The following ATP8B2 variants were observed in gnomAD, a reference collection of about 807,000 sequenced individuals.
ATP8B2 encodes the protein phospholipid-transporting ATPase ID.
ATP8B2 carries 70 observed loss-of-function variants against 133.4 expected under a neutral mutation model. That is an observed-to-expected ratio of 0.52 (90% confidence interval 0.43 to 0.64). ATP8B2 has a LOEUF of 0.64. ATP8B2 is among the 30% of genes least tolerant of loss of function. The probability of loss-of-function intolerance (pLI) is 0.00; values close to 1 mark genes in which losing one functional copy is unlikely to be tolerated. For missense variants in ATP8B2, 1,101 were observed against 1,535.7 expected (o/e 0.72, Z 4.73); for synonymous variants, 517 against 589.5 (o/e 0.88, Z 1.78).
intron 12 of ATP8B2, chr1:154,337,813 T>A: frequency 7.8e-6 from 10 of 1,285,208 alleles, no homozygotes; most frequent in Non-Finnish European, 9.3e-6. Context: ...AGAAGTGTGC[T>A]AGGTGCCATC....
chr1:154,337,222 G>A, intron 11 of ATP8B2, 126 bp from the exon 12 acceptor site: 1 of 1,095,556 alleles, frequency 9.1e-7, no homozygotes, highest in Non-Finnish European at 1.3e-6. Context: ...GAGACCATGG[G>A]TTGGACAAGC....
intron 26 of ATP8B2, among the ~76,000 whole-genome samples, chr1:154,347,225 T>C (rs1044692367): frequency 1.3e-5 from 2 of 152,140 alleles, no homozygotes; most frequent in Admixed American, 6.6e-5. Flanking sequence ...AAAGGGAGCC[T>C]GCCATGTGGC....
At chr1:154,348,268 C>T (rs1686659991) in intron 26 of ATP8B2, 140 bp from the exon 27 acceptor site, 2 of 931,604 alleles carry the variant, frequency 2.1e-6, no homozygotes, top group Non-Finnish European at 3.0e-6. Context: ...TGGAGATTTA[C>T]ATTTGGAGGG....
rs1686219775 is a variant in ATP8B2 at position 154,337,277 on chromosome 1, C to T, written c.838-71C>T. The T allele has an allele frequency of 2.6e-6, 4 of 1,527,700 alleles. No homozygotes were observed. The African/African-American group carries it at 4.1e-5, about 16-fold the overall frequency. 94.6% of individuals were successfully genotyped at this position (1,527,700 alleles called of 1,614,324 possible). A position where few individuals can be genotyped will look rare whatever the true frequency, so the allele number is the denominator to read the frequency against. On this transcript the variant is annotated intron_variant, in intron 11 of 27. Coordinates refer to ENST00000368489, the MANE Select transcript of ATP8B2 (RefSeq NM_001370597.1). ...CTTTTGAGGGCTCAAGGGATGAATA[C>T]ATCACAGATGCACTTGGTTTTGAGG...
Position 154,343,367 on chromosome 1 carries a change from T to G in ATP8B2, c.1642+66T>G, listed in dbSNP as rs1456726886. 11 of 1,605,642 alleles carry G rather than the reference T, an allele frequency of 6.9e-6. No homozygotes were observed. The highest frequency in any genetic ancestry group is 9.4e-6 in the Non-Finnish European group (11 of 1,174,116). Reference sequence around the variant, plus strand: ...ATTCAGGCCTGGAATGGGTGAAGTGTGCCGGGTGACTCTTGATGTGTTTAT... The same window carrying G: ...ATTCAGGCCTGGAATGGGTGAAGTGGGCCGGGTGACTCTTGATGTGTTTAT... On this transcript the variant is annotated intron_variant, in intron 16 of 27. Coordinates refer to ENST00000368489, the MANE Select transcript of ATP8B2 (RefSeq NM_001370597.1). The surrounding 1 kb of genome is among the most constrained non-coding windows in gnomAD (Gnocchi z 5.8).
At chr1:154,327,839 G>A in intron 1 of ATP8B2, 1 of 1,613,788 alleles carries the variant, frequency 6.2e-7, no homozygotes, top group East Asian at 2.2e-5. Flanking sequence ...TTCAATATCT[G>A]GCCTCTTCTC....
chr1:154,331,559 C>A lies in ATP8B2; in HGVS notation c.366-47C>A. The stretch of plus-strand genomic sequence containing the variant: ...GGGGACGAAGGGGGTCCCTTAGGAA[C>A]CTCTTTAGCTCCTGACAGCCTCTTC... On this transcript the variant is annotated intron_variant, in intron 6 of 27. Transcript: ENST00000368489. The surrounding 1 kb of genome is among the most constrained non-coding windows in gnomAD (Gnocchi z 4.8). 6.2e-7 allele frequency: 1 copy of A among 1,613,616 alleles called. No homozygotes were observed. Among genetic ancestry groups the A allele is most frequent in the Admixed American group, 1.7e-5 (1 of 60,014 alleles).
chr1:154,337,880 T>C, intron 12 of ATP8B2: 1 of 787,508 alleles, frequency 1.3e-6, no homozygotes, highest in Non-Finnish European at 1.9e-6. Flanking sequence ...TTACGTCTAG[T>C]AAAGGAAGGA....
In ATP8B2 at chr1:154,348,798, C is replaced by A. The variant is rs542799965; in HGVS notation, c.3295-42C>A. 35 of 1,530,704 alleles carry A rather than the reference C, an allele frequency of 2.3e-5. No homozygotes were observed. The Middle Eastern group carries it at 5.1e-4, about 22-fold the overall frequency. 94.8% of individuals were successfully genotyped at this position (1,530,704 alleles called of 1,614,324 possible). On this transcript the variant is annotated intron_variant, in intron 27 of 27. Coordinates refer to ENST00000368489, the MANE Select transcript of ATP8B2 (RefSeq NM_001370597.1). ...CCCTTCTCCTTGGCGATATCTGACA[C>A]CTCCACGCTGACAGAGGGCTCTTCC... is the stretch of plus-strand genomic sequence containing the variant.
Position 154,341,012 on chromosome 1 carries a change from C to A in ATP8B2, c.1193C>A (p.Thr398Asn). ...TTCTCCGACAAGACGGGCACCCTCA[C>A]CCAGAACATCATGGTTTTCAACAAG... ...YIFSDKTGTL[T>N]QNIMVFNKCS... The change falls in exon 13 of 28, where the codon ACC becomes AAC. Residue 398 changes from threonine (T) to asparagine (N), a missense_variant. Physicochemically the swap from Thr to Asn is moderately conservative, Grantham distance 65 (BLOSUM62 0). Coordinates refer to ENST00000368489, the MANE Select transcript of ATP8B2 (RefSeq NM_001370597.1). 1.9e-6 allele frequency: 3 copies of A among 1,614,192 alleles called. No individual in the cohort carries two copies. Among genetic ancestry groups the A allele is most frequent in the Non-Finnish European group, 2.5e-6 (3 of 1,180,044 alleles).
chr1:154,345,385 A>T lies in ATP8B2; in HGVS notation c.2534A>T (p.Tyr845Phe). The T allele has an allele frequency of 6.2e-7, 1 of 1,613,820 alleles. No homozygotes were observed. The highest frequency in any genetic ancestry group is 2.2e-5 in the East Asian group (1 of 44,872). ...ATCCAGGCTGTCTTGGCCTCCGATTACTCCTTCTCCCAGTTCAAGTTCCTG... is the reference window on the plus strand; with the variant it reads ...ATCCAGGCTGTCTTGGCCTCCGATTTCTCCTTCTCCCAGTTCAAGTTCCTG... ...EGIQAVLASD[Y>F]SFSQFKFLQR... Residue 845 changes from tyrosine to phenylalanine, a missense_variant, in exon 23 of 28, where the codon TAC (tyrosine) becomes TTC (phenylalanine). Transcript: ENST00000368489. This position sits in a 1 kb window ranked among gnomAD's most constrained non-coding sequence, Gnocchi z 5.6.
intron 26 of ATP8B2, among the ~76,000 whole-genome samples, chr1:154,347,524 A>G (rs1048833838): frequency 1.3e-5 from 2 of 152,198 alleles, no homozygotes; most frequent in African/African-American, 4.8e-5. Context: ...AGTTTCGTGG[A>G]TAATAAAGTG....
chr1:154,345,001 G>A lies in ATP8B2; in HGVS notation c.2317G>A (p.Glu773Lys), dbSNP rs773903090. 1.1e-5 allele frequency: 17 copies of A among 1,613,954 alleles called. No individual in the cohort carries two copies. The African/African-American group carries it at 2.0e-4, about 19-fold the overall frequency. Residue 773 changes from glutamate to lysine, a missense_variant, in exon 22 of 28, where the codon GAG becomes AAG. Transcript: ENST00000368489. The surrounding 1 kb of genome is among the most constrained non-coding windows in gnomAD (Gnocchi z 5.6). ...AHALEADMEL[E>K]FLETACACKA... ...CGCACTGGAGGCAGACATGGAGCTG[G>A]AGTTTCTGGAGACAGCGTGTGCCTG...
intron 14 of ATP8B2, 105 bp downstream of exon 14, chr1:154,342,628 C>A: frequency 6.8e-7 from 1 of 1,474,674 alleles, no homozygotes; most frequent in Non-Finnish European, 9.5e-7. Flanking sequence ...ATGGAAGCTG[C>A]TTGGAGAAAT....
intron 26 of ATP8B2, among the ~76,000 whole-genome samples, chr1:154,347,650 G>A (rs997453859): frequency 6.6e-6 from 1 of 151,988 alleles, no homozygotes; most frequent in African/African-American, 2.4e-5. Flanking sequence ...TTTGAAAATG[G>A]AAACAACAGG....
intron 12 of ATP8B2, chr1:154,337,887 A>C: frequency 1.3e-6 from 1 of 743,716 alleles, no homozygotes; most frequent in Non-Finnish European, 2.0e-6. Flanking sequence ...TAGTAAAGGA[A>C]GGAAAATCTA....
In ATP8B2 at chr1:154,348,916, C is replaced by T. The variant is rs1558277091; in HGVS notation, c.3371C>T (p.Ser1124Phe). ...ATGCGGCGGGTTGGCCGCACTGGCT[C>T]CCGGCGCTCCGGCTATGCCTTCTCC... The part of the protein sequence containing the change: ...RCMRRVGRTG[S>F]RRSGYAFSHQ... The change falls in exon 28 of 28, where the codon TCC (serine) becomes TTC (phenylalanine). Residue 1124 changes from serine to phenylalanine, a missense_variant. Transcript: ENST00000368489. 2 of 1,613,918 alleles carry T rather than the reference C, an allele frequency of 1.2e-6. No homozygotes were observed. The highest frequency in any genetic ancestry group is 1.7e-6 in the Non-Finnish European group (2 of 1,179,892).
rs1245908823 is a variant in ATP8B2 at position 154,328,254 on chromosome 1, C to T, written c.31+82C>T. The stretch of plus-strand genomic sequence containing the variant: ...GCTCAGGGAGCAAAAGGAAAAGGGA[C>T]AACTGGTATGGGTCTGAGGGAGGGT... On this transcript the variant is annotated intron_variant, in intron 2 of 27. Transcript: ENST00000368489. The surrounding 1 kb of genome is among the most constrained non-coding windows in gnomAD (Gnocchi z 4.6). 5.6e-6 allele frequency: 8 copies of T among 1,425,536 alleles called. No homozygotes were observed. The highest frequency in any genetic ancestry group is 3.4e-5 in the Admixed American group (2 of 59,372). 88.3% of individuals were successfully genotyped at this position (1,425,536 alleles called of 1,614,324 possible). A position where few individuals can be genotyped will look rare whatever the true frequency, so the allele number is the denominator to read the frequency against.
Position 154,340,980 on chromosome 1 carries a change from G to C in ATP8B2, c.1161G>C (p.Glu387Asp), listed in dbSNP as rs772962965. The change falls in exon 13 of 28, where the codon GAG becomes GAC. Residue 387 changes from glutamate (E) to aspartate (D), a missense_variant. By Grantham distance (45) the Glu-to-Asp change is conservative. Coordinates refer to ENST00000368489, the MANE Select transcript of ATP8B2 (RefSeq NM_001370597.1). The surrounding 1 kb of genome is among the most constrained non-coding windows in gnomAD (Gnocchi z 4.0). Reference protein sequence around the residue: ...TTLNEELGQVEYIFSDKTGTL... With the variant: ...TTLNEELGQVDYIFSDKTGTL... ...TAAACGAGGAGCTGGGCCAGGTGGA[G>C]TACATCTTCTCCGACAAGACGGGCA... 58 of 1,614,076 alleles carry C rather than the reference G, an allele frequency of 3.6e-5. No individual in the cohort carries two copies. Among genetic ancestry groups the C allele is most frequent in the Non-Finnish European group, 4.8e-5 (57 of 1,180,040 alleles).
Sources: gnomAD v4.1 joint callset for allele counts (sites outside exome capture counted in the v4.1 genomes callset) on GRCh38, gnomAD v4.1.1 for gene constraint, Gnocchi (gnomAD v3.1) non-coding constraint, MANE v1.5 for transcripts, NCBI Gene and HGNC (gene_info 2026-07-23, HGNC 2026-07-21) for gene names.